Variants in RUNX1 observed in about 807,000 individuals in gnomAD.
RUNX1 encodes the protein RUNX family transcription factor 1.
A neutral mutation model predicts 42.8 loss-of-function variants in RUNX1; 19 were observed. The observed-to-expected ratio is 0.44, with a 90% confidence interval of 0.31 to 0.65. The LOEUF (loss-of-function observed/expected upper bound fraction) is 0.65, where lower values mean the gene tolerates loss of function less well. Ranked by LOEUF, RUNX1 falls within the 30% of genes least tolerant of loss-of-function variation. The pLI, the probability that RUNX1 is intolerant of heterozygous loss-of-function variation, is 0.07. For synonymous variants in RUNX1, 271 were observed against 289.4 expected (o/e 0.94, Z 0.64); for missense variants, 528 against 672.0 (o/e 0.79, Z 2.37).
intron 2 of RUNX1, among the ~76,000 whole-genome samples, chr21:34,999,862 A>G (rs1169897522): frequency 6.6e-6 from 1 of 152,218 alleles, no homozygotes; most frequent in Non-Finnish European, 1.5e-5. Flanking sequence ...CACTGGTATC[A>G]TTCAACAGAA....
intron 2 of RUNX1, among the ~76,000 whole-genome samples, chr21:34,911,327 C>T (rs2058270426): frequency 6.6e-6 from 1 of 152,204 alleles, no homozygotes; most frequent in African/African-American, 2.4e-5. Context: ...TTAACAACAG[C>T]TGCCACCTGC....
chr21:34,887,480 T>C (rs1184093955), intron 3 of RUNX1: 1 of 1,229,268 alleles, frequency 8.1e-7, no homozygotes, highest in Non-Finnish European at 1.0e-6. Flanking sequence ...CTTCCTAAAA[T>C]ATTTATGCGA....
At chr21:34,815,154 G>C (rs1367771380) in intron 7 of RUNX1, among the ~76,000 whole-genome samples, 2 of 152,162 alleles carry the variant, frequency 1.3e-5, no homozygotes, top group East Asian at 3.8e-4. Context: ...GGTTTCAGAG[G>C]AACAGAGGTG....
chr21:34,921,735 C>T (rs1323207549), intron 2 of RUNX1, among the ~76,000 whole-genome samples: 2 of 152,140 alleles, frequency 1.3e-5, no homozygotes, highest in African/African-American at 4.8e-5. Context: ...GGGTTCAAGC[C>T]ATTCTCCTAC....
At chr21:34,871,021 A>G (rs1285976913) in intron 5 of RUNX1, among the ~76,000 whole-genome samples, 1 of 152,186 alleles carries the variant, frequency 6.6e-6, no homozygotes, top group Non-Finnish European at 1.5e-5. Flanking sequence ...ACCATGTATC[A>G]GGCATCATCT....
intron 6 of RUNX1, among the ~76,000 whole-genome samples, chr21:34,854,590 A>C (rs531477030): frequency 6.7e-6 from 1 of 149,968 alleles, no homozygotes; most frequent in East Asian, 1.9e-4. Flanking sequence ...ACCTCAAAAA[A>C]AAAAGAAAAA....
At chr21:34,928,622 G>C (rs1423581607) in intron 2 of RUNX1, among the ~76,000 whole-genome samples, 1 of 151,502 alleles carries the variant, frequency 6.6e-6, no homozygotes, top group Non-Finnish European at 1.5e-5. Flanking sequence ...GGAGGTTGCA[G>C]TGAGCCAAGA....
intron 2 of RUNX1, among the ~76,000 whole-genome samples, chr21:34,986,832 A>G (rs952445120): frequency 6.6e-6 from 1 of 152,050 alleles, no homozygotes; most frequent in African/African-American, 2.4e-5. Flanking sequence ...AAGAGAATAC[A>G]TTTCTGTTGT....
rs968272462 is a variant in RUNX1 at position 34,792,946 on chromosome 21, T to A, written c.968-336A>T. ...GGGGACCACTCAGGATGCCACCTCC[T>A]GAGAGGACGGAGACCACCCAGGATG... On this transcript the variant is annotated intron_variant, in intron 8 of 8. Transcript: ENST00000675419. The surrounding 1 kb of genome is among the most constrained non-coding windows in gnomAD (Gnocchi z 6.9). 5.0e-5 allele frequency among the ~76,000 whole-genome samples: 7 copies of A among 140,126 alleles called. No individual in the cohort carries two copies. The highest frequency in any genetic ancestry group is 9.3e-5 in the Non-Finnish European group (6 of 64,520). The allele number at this position is 140,126 out of a possible 152,430, so 91.9% of individuals were successfully genotyped here. A position where few individuals can be genotyped will look rare whatever the true frequency, so the allele number is the denominator to read the frequency against.
At chr21:35,028,967 A>G (rs999982438) in intron 2 of RUNX1, among the ~76,000 whole-genome samples, 2 of 152,182 alleles carry the variant, frequency 1.3e-5, no homozygotes, top group African/African-American at 4.8e-5. Flanking sequence ...ATCTGTCTGC[A>G]GTGTGAATTG....
chr21:34,881,359 TCC>T (rs2057902950), intron 4 of RUNX1, among the ~76,000 whole-genome samples: 1 of 152,202 alleles, frequency 6.6e-6, no homozygotes, highest in Non-Finnish European at 1.5e-5. Flanking sequence ...ACTTAAACTG[TCC>T]CTCTACAGTT....
chr21:34,800,611 T>C (rs796916379), intron 7 of RUNX1, among the ~76,000 whole-genome samples: 41 of 152,318 alleles, frequency 2.7e-4, no homozygotes, highest in African/African-American at 9.4e-4. Context: ...TTATAAAATA[T>C]TCAGATCTGC....
chr21:34,804,200 A>G (rs977767967), intron 7 of RUNX1, among the ~76,000 whole-genome samples: 1 of 152,226 alleles, frequency 6.6e-6, no homozygotes, highest in African/African-American at 2.4e-5. Context: ...GGCTCAGTAC[A>G]GACTAGTGTG....
intron 6 of RUNX1, among the ~76,000 whole-genome samples, chr21:34,840,577 C>T (rs780196257): frequency 2.0e-5 from 3 of 150,662 alleles, no homozygotes; most frequent in Non-Finnish European, 2.9e-5. Flanking sequence ...AATGAGGTTA[C>T]GACTTTCAAA....
chr21:34,907,236 C>A lies in RUNX1; in HGVS notation c.59-14273G>T, dbSNP rs753392597. Among the ~76,000 whole-genome samples the A allele has an allele frequency of 6.6e-5, 10 of 152,036 alleles. No homozygotes were observed. Among genetic ancestry groups the A allele is most frequent in the Admixed American group, 5.2e-4 (8 of 15,270 alleles). On this transcript the variant is annotated intron_variant, in intron 2 of 8. Transcript: ENST00000675419. This position sits in a 1 kb window ranked among gnomAD's most constrained non-coding sequence, Gnocchi z 5.3. The stretch of plus-strand genomic sequence containing the variant: ...TTAGCATCTGCCCACAGGTAAGGGG[C>A]ACAGAGAAGGAGATATAGACTTCTA...
At chr21:34,883,731 C>G (rs2057940203) in intron 4 of RUNX1, among the ~76,000 whole-genome samples, 1 of 152,164 alleles carries the variant, frequency 6.6e-6, no homozygotes, top group African/African-American at 2.4e-5. Context: ...TTACATGGAC[C>G]TCCCAATACT....
chr21:34,800,338 A>T (rs1282895818), intron 7 of RUNX1, among the ~76,000 whole-genome samples: 2 of 152,262 alleles, frequency 1.3e-5, no homozygotes, highest in Non-Finnish European at 2.9e-5. Context: ...ATTCTTAGGC[A>T]AATGTGTAAG....
intron 2 of RUNX1, among the ~76,000 whole-genome samples, chr21:34,991,141 G>A (rs2058934481): frequency 6.6e-6 from 1 of 152,158 alleles, no homozygotes; most frequent in African/African-American, 2.4e-5. Context: ...GAAGACCGGG[G>A]CCCAGCCTCT....
At chr21:35,031,288 C>T (rs148526414) in intron 2 of RUNX1, among the ~76,000 whole-genome samples, 93 of 152,168 alleles carry the variant, frequency 6.1e-4, no homozygotes, top group Non-Finnish European at 9.8e-4. Flanking sequence ...GCAGACGTTG[C>T]GGTGAGCCGA....
Sources: gnomAD v4.1 joint callset for allele counts (sites outside exome capture counted in the v4.1 genomes callset) on GRCh38, gnomAD v4.1.1 for gene constraint, Gnocchi (gnomAD v3.1) non-coding constraint, MANE v1.5 for transcripts, NCBI Gene and HGNC (gene_info 2026-07-23, HGNC 2026-07-21) for gene names.